Variants in SLC16A1 observed in about 807,000 individuals in gnomAD.
SLC16A1 encodes the protein monocarboxylate transporter 1.
Under a neutral mutation model 32.2 loss-of-function variants are expected in SLC16A1, and 11 were observed. The observed-to-expected ratio is 0.34, with a 90% confidence interval of 0.21 to 0.56. The LOEUF (loss-of-function observed/expected upper bound fraction) is 0.56, where lower values mean the gene tolerates loss of function less well. SLC16A1 is among the 20% of genes least tolerant of loss of function. SLC16A1 has a pLI of 0.87. For missense variants in SLC16A1, 435 were observed against 615.0 expected, an observed-to-expected ratio of 0.71 and a Z score of 3.10; for synonymous variants, 231 against 226.8, an observed-to-expected ratio of 1.02 and a Z score of -0.17.
chr1:112,945,396 C>T (rs1245201115), intron 1 of SLC16A1, among the ~76,000 whole-genome samples: 5 of 151,876 alleles, frequency 3.3e-5, no homozygotes, highest in South Asian at 2.1e-4. Flanking sequence ...TACTGTTGGC[C>T]GGGCATGGTG....
At chr1:112,946,979 A>C (rs916068616) in intron 1 of SLC16A1, among the ~76,000 whole-genome samples, 2 of 152,210 alleles carry the variant, frequency 1.3e-5, no homozygotes, top group Admixed American at 6.5e-5. Context: ...CTACTACCTA[A>C]GTTGAGAGTC....
At chr1:112,921,899 T>G (rs1648747578) in intron 3 of SLC16A1, 91 bp downstream of exon 3, 1 of 1,456,462 alleles carries the variant, frequency 6.9e-7, no homozygotes, top group African/African-American at 1.4e-5. Flanking sequence ...AAGAAAAGAA[T>G]TTCACTCCAG....
intron 1 of SLC16A1, among the ~76,000 whole-genome samples, chr1:112,954,959 G>C (rs531860825): frequency 1.4e-4 from 22 of 152,070 alleles, no homozygotes; most frequent in African/African-American, 5.1e-4. Flanking sequence ...TGGGCTGGTG[G>C]TTGGGATAAA....
At chr1:112,952,031 A>T (rs1291987219) in intron 1 of SLC16A1, among the ~76,000 whole-genome samples, 1 of 152,204 alleles carries the variant, frequency 6.6e-6, no homozygotes, top group Non-Finnish European at 1.5e-5. Flanking sequence ...TGAAGGAAGT[A>T]CACACCAATA....
Position 112,913,408 on chromosome 1 carries a change from T to A in SLC16A1, c.*483A>T, listed in dbSNP as rs1648389273. 6.3e-6 allele frequency: 1 copy of A among 158,108 alleles called. No individual in the cohort carries two copies. The highest frequency in any genetic ancestry group is 2.4e-5 in the African/African-American group (1 of 41,480). 9.8% of individuals were successfully genotyped at this position (158,108 alleles called of 1,614,324 possible). On this transcript the variant is annotated 3_prime_UTR_variant, in exon 5 of 5. Coordinates refer to ENST00000369626, the MANE Select transcript of SLC16A1 (RefSeq NM_003051.4). Reference sequence around the variant, plus strand: ...TAAAATCTCTAACTTTCAACCAATATTTCTGTTCATAAATCTTCCAGTGAA... The same window carrying A: ...TAAAATCTCTAACTTTCAACCAATAATTCTGTTCATAAATCTTCCAGTGAA...
intron 1 of SLC16A1, among the ~76,000 whole-genome samples, chr1:112,945,630 G>A (rs1453232323): frequency 2.7e-5 from 4 of 148,618 alleles, no homozygotes; most frequent in Non-Finnish European, 5.9e-5. Flanking sequence ...AGCCGAGATC[G>A]TGCCACTGCA....
chr1:112,927,439 T>A (rs1326752341), intron 2 of SLC16A1, among the ~76,000 whole-genome samples: 1 of 152,148 alleles, frequency 6.6e-6, no homozygotes, highest in African/African-American at 2.4e-5. Flanking sequence ...CAAGACGTAT[T>A]AGTGTTCAGA....
At chr1:112,924,896 C>T (rs1570626959) in intron 2 of SLC16A1, among the ~76,000 whole-genome samples, 1 of 152,008 alleles carries the variant, frequency 6.6e-6, no homozygotes, top group Non-Finnish European at 1.5e-5. Context: ...CAAAAAAAAC[C>T]CACCCAAATA....
rs138899206 is a variant in SLC16A1 at position 112,950,095 on chromosome 1, A to G, written c.-45+5940T>C. ...AATACAACTATGGTTTGTTGCCTACACTCATATTTGAATGAAATTCCAAGT... is the reference window on the plus strand; with the variant it reads ...AATACAACTATGGTTTGTTGCCTACGCTCATATTTGAATGAAATTCCAAGT... On this transcript the variant is annotated intron_variant, in intron 1 of 4. Coordinates refer to ENST00000369626, the MANE Select transcript of SLC16A1 (RefSeq NM_003051.4). Among the ~76,000 whole-genome samples, 99 of 152,280 alleles carry G rather than the reference A, an allele frequency of 6.5e-4. 3 individuals are homozygous for G. The highest frequency in any genetic ancestry group is 3.4e-3 in the Middle Eastern group (1 of 294).
chr1:112,930,865 C>T (rs574843480), intron 1 of SLC16A1, among the ~76,000 whole-genome samples: 2 of 152,128 alleles, frequency 1.3e-5, no homozygotes, highest in South Asian at 4.2e-4. Flanking sequence ...ACTACAGGCA[C>T]ACGCCATCAC....
rs775004188 is a variant in SLC16A1, at chr1:112,929,092, C to T, written c.217G>A (p.Gly73Ser). Residue 73 changes from glycine to serine, a missense_variant and splice_region_variant, in exon 2 of 5, where the codon GGT becomes AGT. Gly to Ser is a moderately conservative substitution (Grantham distance 56). Transcript: ENST00000369626. ...AGAGCAGGCCTTAATGGGTACTTAC[C>T]TCCACCATACATGACAGCCAACATT... is the stretch of plus-strand genomic sequence containing the variant. Reference protein sequence around the residue: ...SIMLAVMYGGGPISSILVNKY... With the variant: ...SIMLAVMYGGSPISSILVNKY... 6.2e-7 allele frequency: 1 copy of T among 1,611,910 alleles called. No homozygotes were observed. Among genetic ancestry groups the T allele is most frequent in the Non-Finnish European group, 8.5e-7 (1 of 1,178,348 alleles).
chr1:112,945,739 T>TC (rs1649680246), intron 1 of SLC16A1, among the ~76,000 whole-genome samples: 1 of 150,492 alleles, frequency 6.6e-6, no homozygotes, highest in African/African-American at 2.5e-5. Flanking sequence ...ACACCTGTAA[T>TC]CCCAGCACTT....
chr1:112,947,844 C>T (rs1436300302), intron 1 of SLC16A1, among the ~76,000 whole-genome samples: 1 of 152,144 alleles, frequency 6.6e-6, no homozygotes, highest in Non-Finnish European at 1.5e-5. Flanking sequence ...ACAGACAAAT[C>T]TCACAAAAGA....
chr1:112,942,695 G>A (rs1425037459), intron 1 of SLC16A1, among the ~76,000 whole-genome samples: 1 of 152,170 alleles, frequency 6.6e-6, no homozygotes, highest in East Asian at 1.9e-4. Context: ...ATATGCCTGA[G>A]TAAGAATCAA....
At position 112,917,605 on chromosome 1, in the gene SLC16A1, G is replaced by A; in HGVS notation, c.801C>T (p.Leu267=). 1 of 1,614,178 alleles carries A rather than the reference G, an allele frequency of 6.2e-7. No homozygotes were observed. Among genetic ancestry groups the A allele is most frequent in the South Asian group, 1.1e-5 (1 of 91,080 alleles). Residue 267 remains leucine, a synonymous_variant, in exon 4 of 5, where the codon CTC becomes CTT. Coordinates refer to ENST00000369626, the MANE Select transcript of SLC16A1 (RefSeq NM_003051.4). The surrounding 1 kb of genome is among the most constrained non-coding windows in gnomAD (Gnocchi z 4.1). The part of the protein sequence containing the change: ...LFTHRGFLLY[L]SGNVIMFFGL... The stretch of plus-strand genomic sequence containing the variant: ...CAAAAAACATGATCACATTTCCAGA[G>A]AGGTATAGCAAAAAGCCTCTGTGGG...
Position 112,931,005 on chromosome 1 carries a change from C to T in SLC16A1, c.-44-1653G>A, listed in dbSNP as rs531309293. The stretch of plus-strand genomic sequence containing the variant: ...AAGTGCTGGGATTACAGGCATGAGC[C>T]ACCACTCCCAGCCCCAATGCTACAG... On this transcript the variant is annotated intron_variant, in intron 1 of 4. Coordinates refer to ENST00000369626, the MANE Select transcript of SLC16A1 (RefSeq NM_003051.4). Among the ~76,000 whole-genome samples, 66 of 152,280 alleles carry T rather than the reference C, an allele frequency of 4.3e-4. No homozygotes were observed. In the South Asian group the frequency reaches 0.013, roughly 29 times the overall value.
chr1:112,935,567 G>C (rs1375591670), intron 1 of SLC16A1, among the ~76,000 whole-genome samples: 1 of 152,182 alleles, frequency 6.6e-6, no homozygotes, highest in Non-Finnish European at 1.5e-5. Flanking sequence ...TTTAGAATGG[G>C]AGGATCTGAC....
intron 1 of SLC16A1, among the ~76,000 whole-genome samples, chr1:112,949,640 C>T (rs912087326): frequency 3.3e-5 from 5 of 152,010 alleles, no homozygotes; most frequent in African/African-American, 9.6e-5. Flanking sequence ...ATTCCTTTGG[C>T]CATTTAGTAA....
intron 1 of SLC16A1, among the ~76,000 whole-genome samples, chr1:112,931,956 T>A (rs900766368): frequency 6.6e-5 from 10 of 152,172 alleles, no homozygotes; most frequent in Non-Finnish European, 1.5e-4. Flanking sequence ...AGGTCAGAGA[T>A]GACAAGTTCA....
Sources: allele counts gnomAD v4.1 joint callset (sites outside exome capture counted in the v4.1 genomes callset), GRCh38; gene constraint gnomAD v4.1.1; non-coding constraint Gnocchi (gnomAD v3.1); transcripts MANE v1.5; gene names NCBI Gene and HGNC (gene_info 2026-07-23, HGNC 2026-07-21).